Variants in RNGTT observed in about 807,000 individuals in gnomAD.
RNGTT encodes the protein mRNA-capping enzyme.
Under a neutral mutation model 79.3 loss-of-function variants are expected in RNGTT, and 33 were observed. That is an observed-to-expected ratio of 0.42 (90% CI 0.32 to 0.56). RNGTT has a LOEUF of 0.56. Ranked by LOEUF, RNGTT falls within the 20% of genes least tolerant of loss-of-function variation. The probability of loss-of-function intolerance (pLI) is 0.17; values close to 1 mark genes in which losing one functional copy is unlikely to be tolerated. For synonymous variants in RNGTT, 222 were observed against 235.9 expected, an observed-to-expected ratio of 0.94 and a Z score of 0.54; for missense variants, 497 against 739.1, an observed-to-expected ratio of 0.67 and a Z score of 3.80.
chr6:88,717,074 T>G (rs1347259381), intron 13 of RNGTT, among the ~76,000 whole-genome samples: 1 of 152,142 alleles, frequency 6.6e-6, no homozygotes, highest in Non-Finnish European at 1.5e-5. Flanking sequence ...AAGTGAGAAC[T>G]TATGGTTTAG....
In RNGTT at chr6:88,610,221, T is replaced by C. The variant is rs1232629984; in HGVS notation, c.*2498A>G. 3 of 152,694 alleles carry C rather than the reference T, an allele frequency of 2.0e-5. No individual in the cohort carries two copies. The highest frequency in any genetic ancestry group is 2.1e-4 in the South Asian group (1 of 4,830). The allele number at this position is 152,694 out of a possible 1,614,324, so 9.5% of individuals were successfully genotyped here. A position where few individuals can be genotyped will look rare whatever the true frequency, so the allele number is the denominator to read the frequency against. On this transcript the variant is annotated 3_prime_UTR_variant, in exon 16 of 16. Transcript: ENST00000369485. ...CAGCAGTAGGATGTGATGCCAGCAA[T>C]AGAAGGGACACAAGAGTATCACCAG...
chr6:88,736,017 G>A (rs1777272849), intron 13 of RNGTT, among the ~76,000 whole-genome samples: 2 of 151,962 alleles, frequency 1.3e-5, no homozygotes, highest in East Asian at 1.9e-4. Flanking sequence ...TAATCACATG[G>A]ATATTAAAAG....
chr6:88,679,663 GC>G (rs1266903985), intron 13 of RNGTT, among the ~76,000 whole-genome samples: 1 of 152,120 alleles, frequency 6.6e-6, no homozygotes, highest in Admixed American at 6.5e-5. Flanking sequence ...TCTCTTAAAT[GC>G]AATGAAACAT....
intron 14 of RNGTT, among the ~76,000 whole-genome samples, chr6:88,633,000 G>T (rs1215354777): frequency 6.6e-6 from 1 of 152,168 alleles, no homozygotes. Flanking sequence ...TTCTTCTGTA[G>T]TCCTTCTGGT....
At chr6:88,844,614 T>A in intron 10 of RNGTT, 93 bp from the exon 11 acceptor site, 2 of 1,172,576 alleles carry the variant, frequency 1.7e-6, no homozygotes, top group South Asian at 1.5e-5. Flanking sequence ...TAATAGTCTG[T>A]GTAAACAGCA....
intron 14 of RNGTT, among the ~76,000 whole-genome samples, chr6:88,635,397 C>T (rs764417503): frequency 2.0e-5 from 3 of 151,970 alleles, no homozygotes; most frequent in Non-Finnish European, 4.4e-5. Flanking sequence ...TGGACAGGAA[C>T]AGAAAACTCA....
chr6:88,945,483 C>G (rs970828206), intron 1 of RNGTT, among the ~76,000 whole-genome samples: 23 of 152,216 alleles, frequency 1.5e-4, no homozygotes, highest in African/African-American at 5.5e-4. Flanking sequence ...TTCAATCACC[C>G]ACCTAACACC....
chr6:88,751,041 T>C (rs993243107), intron 13 of RNGTT, among the ~76,000 whole-genome samples: 3 of 152,192 alleles, frequency 2.0e-5, no homozygotes, highest in Non-Finnish European at 2.9e-5. Context: ...TGCACATAGA[T>C]GGTTTTCAAT....
At chr6:88,771,189 T>C (rs1778645578) in intron 12 of RNGTT, among the ~76,000 whole-genome samples, 1 of 150,960 alleles carries the variant, frequency 6.6e-6, no homozygotes, top group South Asian at 2.1e-4. Context: ...GTCATTACAA[T>C]TTTCTACTAT....
rs1191416667 is a variant in RNGTT, at chr6:88,797,351, T to A, written c.1338+4213A>T. Among the ~76,000 whole-genome samples the A allele has an allele frequency of 3.3e-5, 5 of 152,102 alleles. No individual in the cohort carries two copies. The East Asian group carries it at 9.6e-4, about 29-fold the overall frequency. ...AGCTCCATAAGTATAAGGACCAGTT[T>A]GTACAGCATTAGGTTTTCAAGATCA... On this transcript the variant is annotated intron_variant, in intron 12 of 15. Transcript: ENST00000369485.
intron 13 of RNGTT, among the ~76,000 whole-genome samples, chr6:88,707,558 G>GT (rs771114599): frequency 2.6e-5 from 4 of 151,490 alleles, no homozygotes; most frequent in Admixed American, 6.6e-5. Context: ...AATTGAACAG[G>GT]TAACTACCCA....
rs757004147 is a variant in RNGTT at position 88,817,394 on chromosome 6, C to T, written c.1270-15762G>A. 6.4e-4 allele frequency among the ~76,000 whole-genome samples: 95 copies of T among 149,408 alleles called. 1 individual carries two copies. Among genetic ancestry groups the T allele is most frequent in the Non-Finnish European group, 1.2e-3 (84 of 67,800 alleles). ...CAGTGGCTTACACCTGTAATCCAAA[C>T]GCTTTGGGAGGCCATGGTGTGAGGA... On this transcript the variant is annotated intron_variant, in intron 11 of 15. Transcript: ENST00000369485.
chr6:88,912,320 G>A (rs1277592950), intron 4 of RNGTT, among the ~76,000 whole-genome samples: 2 of 152,098 alleles, frequency 1.3e-5, no homozygotes, highest in Non-Finnish European at 2.9e-5. Context: ...AGGGCAGGAA[G>A]ACTGTTTGAG....
At chr6:88,877,399 G>A (rs1170340240) in intron 8 of RNGTT, among the ~76,000 whole-genome samples, 4 of 152,114 alleles carry the variant, frequency 2.6e-5, no homozygotes, top group Admixed American at 6.5e-5. Flanking sequence ...TACAGATAGC[G>A]GCTCCCAAAT....
chr6:88,622,936 C>T (rs1019156387), intron 14 of RNGTT, among the ~76,000 whole-genome samples: 1 of 152,078 alleles, frequency 6.6e-6, no homozygotes, highest in Non-Finnish European at 1.5e-5. Context: ...AAAACAACTA[C>T]AAAATGTTTA....
At chr6:88,727,946 G>A (rs1338903116) in intron 13 of RNGTT, among the ~76,000 whole-genome samples, 1 of 152,144 alleles carries the variant, frequency 6.6e-6, no homozygotes, top group Non-Finnish European at 1.5e-5. Flanking sequence ...TCATCAAAGG[G>A]TGGAAAGAAG....
chr6:88,776,664 GAA>G (rs34767667), intron 12 of RNGTT, among the ~76,000 whole-genome samples: 4,469 of 138,872 alleles, frequency 0.032, 216 homozygotes, highest in African/African-American at 0.11. Context: ...GGCTTCTTTG[GAA>G]AAAAAAAAAA....
chr6:88,862,164 GTATATTAA>G (rs1401692053), intron 8 of RNGTT, among the ~76,000 whole-genome samples: 2 of 152,156 alleles, frequency 1.3e-5, no homozygotes, highest in Non-Finnish European at 2.9e-5. Context: ...ATGCTTTCTT[GTATATTAA>G]TGAGTTGACT....
chr6:88,614,219 C>G, intron 15 of RNGTT, 53 bp downstream of exon 15: 1 of 1,587,372 alleles, frequency 6.3e-7, no homozygotes, highest in Non-Finnish European at 8.6e-7. Context: ...TTGGGTCTAA[C>G]ACCTTAATTT....
Sources: allele counts gnomAD v4.1 joint callset (sites outside exome capture counted in the v4.1 genomes callset), GRCh38; gene constraint gnomAD v4.1.1; transcripts MANE v1.5; gene names NCBI Gene and HGNC (gene_info 2026-07-23, HGNC 2026-07-21).